The following NAALADL2 variants were observed in gnomAD, a reference collection of about 807,000 sequenced individuals.
The protein encoded by NAALADL2 is inactive N-acetylated-alpha-linked acidic dipeptidase-like protein 2.
In NAALADL2, 76 loss-of-function variants were observed where a neutral mutation model predicts 87.2. The observed-to-expected ratio is 0.87, with a 90% CI of 0.72 to 1.05. NAALADL2 has a LOEUF of 1.05. Ranked by LOEUF, NAALADL2 falls within the 50% of genes least tolerant of loss-of-function variation. NAALADL2 has a pLI of 0.00. For missense variants in NAALADL2, 1,089 were observed against 945.8 expected, an observed-to-expected ratio of 1.15 and a Z score of -1.99; for synonymous variants, 354 against 331.0, an observed-to-expected ratio of 1.07 and a Z score of -0.75.
intron 5 of NAALADL2, among the ~76,000 whole-genome samples, chr3:175,358,582 G>A (rs1764643619): frequency 6.6e-6 from 1 of 151,806 alleles, no homozygotes; most frequent in Non-Finnish European, 1.5e-5. Context: ...GAAAGTGACA[G>A]AATATAATAA....
intron 11 of NAALADL2, among the ~76,000 whole-genome samples, chr3:175,628,975 C>T (rs1727382858): frequency 6.6e-6 from 1 of 150,738 alleles, no homozygotes; most frequent in Non-Finnish European, 1.5e-5. Context: ...GCAAAATCAC[C>T]TAACAGGAAG....
intron 4 of NAALADL2, among the ~76,000 whole-genome samples, chr3:175,271,842 G>A: frequency 6.6e-6 from 1 of 152,100 alleles, no homozygotes; most frequent in Non-Finnish European, 1.5e-5. Flanking sequence ...ATTGTGCAAA[G>A]TATATTAAGA....
rs16825881 is a variant in NAALADL2, at chr3:175,508,310, T to C, written c.1653+36552T>C. Among the ~76,000 whole-genome samples, 1,110 of 152,270 alleles carry C rather than the reference T, an allele frequency of 7.3e-3. 12 individuals are homozygous for C. Among genetic ancestry groups the C allele is most frequent in the African/African-American group, 0.025 (1,059 of 41,558 alleles). The stretch of plus-strand genomic sequence containing the variant: ...CACATTCCAACTATATCACTCTACT[T>C]GGGTGATCTCATTAAATCCTATGGG... On this transcript the variant is annotated intron_variant, in intron 9 of 13. Transcript: ENST00000454872.
chr3:174,777,262 G>C (rs1715325769), intron 3 of NAALADL2, among the ~76,000 whole-genome samples: 2 of 152,080 alleles, frequency 1.3e-5, no homozygotes, highest in African/African-American at 4.8e-5. Context: ...TAATTAAAAT[G>C]TAGGTAATGT....
chr3:175,001,306 C>G (rs1748195720), intron 1 of NAALADL2, among the ~76,000 whole-genome samples: 1 of 152,074 alleles, frequency 6.6e-6, no homozygotes, highest in Non-Finnish European at 1.5e-5. Flanking sequence ...TGCTGCTCAT[C>G]TGTTTACATT....
rs1385424076 is a variant in NAALADL2 at position 175,806,908 on chromosome 3, T to G, written c.*3705T>G. 1 of 151,690 alleles carries G rather than the reference T, an allele frequency of 6.6e-6. No homozygotes were observed. The highest frequency in any genetic ancestry group is 2.4e-5 in the African/African-American group (1 of 41,388). The allele number at this position is 151,690 out of a possible 1,614,324, so 9.4% of individuals were successfully genotyped here. A position where few individuals can be genotyped will look rare whatever the true frequency, so the allele number is the denominator to read the frequency against. On this transcript the variant is annotated 3_prime_UTR_variant, in exon 14 of 14. Coordinates refer to ENST00000454872, the MANE Select transcript of NAALADL2 (RefSeq NM_207015.3). ...TAGAAAGTGAGATAATTGAAAATGT[T>G]AACATATTTCTCCAAAACTGATCAG...
chr3:175,277,742 T>A (rs1208277296), intron 4 of NAALADL2, among the ~76,000 whole-genome samples: 1 of 152,170 alleles, frequency 6.6e-6, no homozygotes, highest in Non-Finnish European at 1.5e-5. Flanking sequence ...GATTGCATAA[T>A]TCATCTTGTA....
rs567822619 is a variant in NAALADL2 at position 175,311,087 on chromosome 3, C to T, written c.940-13088C>T. 7.2e-5 allele frequency among the ~76,000 whole-genome samples: 11 copies of T among 152,116 alleles called. No homozygotes were observed. The South Asian group carries it at 1.9e-3, about 26-fold the overall frequency. ...TTATTCTTTTCACTTCATAAACCACCGTAACAGGAGTTTATAAGCACCTTA... is the reference window on the plus strand; with the variant it reads ...TTATTCTTTTCACTTCATAAACCACTGTAACAGGAGTTTATAAGCACCTTA... On this transcript the variant is annotated intron_variant, in intron 4 of 13. Transcript: ENST00000454872.
chr3:175,216,811 G>A (rs925198270), intron 2 of NAALADL2, among the ~76,000 whole-genome samples: 1 of 151,596 alleles, frequency 6.6e-6, no homozygotes, highest in Non-Finnish European at 1.5e-5. Flanking sequence ...TGGGATTACG[G>A]GTGCCCCCCA....
At chr3:175,768,995 A>G (rs1330459122) in intron 13 of NAALADL2, among the ~76,000 whole-genome samples, 1 of 152,198 alleles carries the variant, frequency 6.6e-6, no homozygotes, top group Non-Finnish European at 1.5e-5. Flanking sequence ...AAAAATGGAT[A>G]TTTAATATTT....
intron 1 of NAALADL2, among the ~76,000 whole-genome samples, chr3:174,441,438 A>C (rs931475051): frequency 5.3e-5 from 8 of 152,194 alleles, no homozygotes; most frequent in African/African-American, 1.4e-4. Context: ...CACGCCGGCC[A>C]GGCAGCCCGA....
chr3:175,351,402 T>C (rs904968323), intron 5 of NAALADL2, among the ~76,000 whole-genome samples: 154 of 152,184 alleles, frequency 1.0e-3, no homozygotes, highest in African/African-American at 3.3e-3. Context: ...TATATACATA[T>C]ATGATAACAT....
At chr3:175,185,784 A>AAATATTT (rs1192151160) in intron 2 of NAALADL2, among the ~76,000 whole-genome samples, 1 of 150,774 alleles carries the variant, frequency 6.6e-6, no homozygotes, top group African/African-American at 2.4e-5. Context: ...TGTATATCTA[A>AAATATTT]AATATTTAAT....
chr3:174,904,392 C>T (rs905085752), intron 1 of NAALADL2, among the ~76,000 whole-genome samples: 1 of 151,794 alleles, frequency 6.6e-6, no homozygotes, highest in African/African-American at 2.4e-5. Flanking sequence ...CTTTATTTAT[C>T]AGATGGAAAG....
chr3:175,481,947 A>G (rs1361684683), intron 9 of NAALADL2, among the ~76,000 whole-genome samples: 1 of 151,970 alleles, frequency 6.6e-6, no homozygotes, highest in Non-Finnish European at 1.5e-5. Context: ...TATAAACTTT[A>G]ATACATGTAT....
chr3:174,448,015 G>A (rs1424552475), intron 1 of NAALADL2, among the ~76,000 whole-genome samples: 1 of 151,918 alleles, frequency 6.6e-6, no homozygotes, highest in African/African-American at 2.4e-5. Flanking sequence ...TGCTTTCCTG[G>A]TGTTTACCCA....
chr3:175,339,105 G>A (rs925235562), intron 5 of NAALADL2, among the ~76,000 whole-genome samples: 2 of 152,210 alleles, frequency 1.3e-5, no homozygotes, highest in East Asian at 1.9e-4. Context: ...GTGCTGGCAC[G>A]CAGTTCAAAG....
rs77877134 is a variant in NAALADL2, at chr3:174,852,445, A to G, written c.-9+114699A>G. On this transcript the variant is annotated intron_variant, in intron 3 of 3. Coordinates refer to the NAALADL2 transcript ENST00000434257. ...CAATAAACTATCTAAAAAGAAACCA[A>G]AAAAGTAATCCCATTTACCATAGCT... Among the ~76,000 whole-genome samples, 1,447 of 152,254 alleles carry G rather than the reference A, an allele frequency of 9.5e-3. 20 individuals are homozygous for G. The highest frequency in any genetic ancestry group is 0.063 in the East Asian group (327 of 5,180).
At chr3:175,655,166 CTTTGCA>C (rs1411804624) in intron 11 of NAALADL2, among the ~76,000 whole-genome samples, 1 of 152,012 alleles carries the variant, frequency 6.6e-6, no homozygotes, top group Non-Finnish European at 1.5e-5. Flanking sequence ...GCCATGTACT[CTTTGCA>C]TTTGTGAGTA....
Sources: allele counts gnomAD v4.1 joint callset (sites outside exome capture counted in the v4.1 genomes callset), GRCh38; gene constraint gnomAD v4.1.1; transcripts MANE v1.5; gene names NCBI Gene and HGNC (gene_info 2026-07-23, HGNC 2026-07-21).